The following MICALL2 variants were observed in gnomAD, a reference collection of about 807,000 sequenced individuals.
The protein encoded by MICALL2 is MICAL-like protein 2.
MICALL2 carries 111 observed loss-of-function variants against 91.1 expected under a neutral mutation model. The observed-to-expected ratio is 1.22, with a 90% confidence interval of 1.04 to 1.43. The LOEUF is 1.43. Ranked by LOEUF, MICALL2 falls within the 40% of genes most tolerant of loss-of-function variation. The pLI is 0.00. For synonymous variants in MICALL2, 694 were observed against 525.3 expected (o/e 1.32, Z -4.39); for missense variants, 1,556 against 1,236.0 (o/e 1.26, Z -3.88).
At chr7:1,439,838 G>T in intron 9 of MICALL2, 87 bp downstream of exon 9, 1 of 1,168,416 alleles carries the variant, frequency 8.6e-7, no homozygotes, top group Non-Finnish European at 1.1e-6. Context: ...CCAGGAGGTG[G>T]CACTACAGGT....
rs1481768882 is a variant in MICALL2, at chr7:1,448,704, T to C, written c.250A>G (p.Met84Val). The change falls in exon 3 of 17, where the codon ATG becomes GTG. Residue 84 changes from methionine (M) to valine (V), a missense_variant. Transcript: ENST00000297508. ...GIPALLDAED[M>V]VALKVPDRLS... ...CGGTCAGGCACCTTCAAGGCCACCA[T>C]GTCCTCGGCATCCAGCAAGGCTGGG... 2 of 1,612,604 alleles carry C rather than the reference T, an allele frequency of 1.2e-6. No individual in the cohort carries two copies. Among genetic ancestry groups the C allele is most frequent in the African/African-American group, 2.7e-5 (2 of 74,916 alleles).
At chr7:1,454,536 G>A (rs1780945849) in intron 1 of MICALL2, among the ~76,000 whole-genome samples, 1 of 152,342 alleles carries the variant, frequency 6.6e-6, no homozygotes, top group East Asian at 1.9e-4. Flanking sequence ...TGGAAGGAAA[G>A]TGTGGGGCCC....
chr7:1,444,500 T>C lies in MICALL2; in HGVS notation c.1418+152A>G, dbSNP rs1780466683. ...CTGCCACCCTGGCTCCTCCTCCCCATTCCCCAGAGAAGGAAACAGGCTGGG... is the reference window on the plus strand; with the variant it reads ...CTGCCACCCTGGCTCCTCCTCCCCACTCCCCAGAGAAGGAAACAGGCTGGG... On this transcript the variant is annotated intron_variant, in intron 6 of 16. Coordinates refer to ENST00000297508, the MANE Select transcript of MICALL2 (RefSeq NM_182924.4). The C allele has an allele frequency of 5.1e-6, 4 of 790,080 alleles. No individual in the cohort carries two copies. In the East Asian group the frequency reaches 1.1e-4, roughly 22 times the overall value. The allele number at this position is 790,080 out of a possible 1,614,324, so 48.9% of individuals were successfully genotyped here.
At chr7:1,442,718 A>G (rs991872046) in intron 6 of MICALL2, among the ~76,000 whole-genome samples, 4 of 151,730 alleles carry the variant, frequency 2.6e-5, no homozygotes. Flanking sequence ...CTCGCTCCCA[A>G]TGACCACCCT....
chr7:1,443,572 C>T (rs886898829), intron 6 of MICALL2, among the ~76,000 whole-genome samples: 1 of 152,212 alleles, frequency 6.6e-6, no homozygotes, highest in Non-Finnish European at 1.5e-5. Flanking sequence ...TTAAGATGCA[C>T]TCACGCTGGG....
rs747491199 is a variant in MICALL2, at chr7:1,450,192, C to T, written c.192+48G>A. 63 of 1,542,148 alleles carry T rather than the reference C, an allele frequency of 4.1e-5. No individual in the cohort carries two copies. In the East Asian group the frequency reaches 1.4e-3, roughly 34 times the overall value. ...CGGTCCCTCGGACGTGGGTGGGGCT[C>T]AGCAGGCTGGCTAAGCCAGCTGTGA... On this transcript the variant is annotated intron_variant, in intron 2 of 16. Transcript: ENST00000297508.
chr7:1,437,774 C>A, intron 13 of MICALL2, 116 bp downstream of exon 13: 2 of 1,252,852 alleles, frequency 1.6e-6, no homozygotes, highest in Admixed American at 4.0e-5. Flanking sequence ...AGGTCCTGGA[C>A]CTGCCGCACA....
At chr7:1,447,061 G>C (rs73670490) in intron 4 of MICALL2, among the ~76,000 whole-genome samples, 1 of 152,278 alleles carries the variant, frequency 6.6e-6, no homozygotes, top group African/African-American at 2.4e-5. Flanking sequence ...TCCTTCGGTG[G>C]CTGGGGGCCA....
intron 4 of MICALL2, among the ~76,000 whole-genome samples, 171 bp downstream of exon 4, chr7:1,447,404 C>A (rs1038890422): frequency 1.3e-5 from 2 of 152,172 alleles, no homozygotes; most frequent in Admixed American, 1.3e-4. Context: ...TTGATGGAGC[C>A]CTGGAGAGCC....
rs1040674708 is a variant in MICALL2 at position 1,438,093 on chromosome 7, T to C, written c.2311+4A>G. On this transcript the variant is annotated splice_donor_region_variant and intron_variant, in intron 12 of 16. Transcript: ENST00000297508. The stretch of plus-strand genomic sequence containing the variant: ...CTGGCCCAGGGCCAGGCCGAGGCGC[T>C]CACCTCCCTCGGCCGCCCGCAGTCG... The C allele has an allele frequency of 3.2e-6, 5 of 1,570,084 alleles. No homozygotes were observed. The Admixed American group carries it at 9.4e-5, about 29-fold the overall frequency.
chr7:1,444,610 A>T (rs777421293), intron 6 of MICALL2, 42 bp downstream of exon 6: 1 of 1,576,938 alleles, frequency 6.3e-7, no homozygotes, highest in African/African-American at 1.3e-5. Context: ...TGGCTGGTGC[A>T]AAGAGGCCAT....
At chr7:1,444,389 GCGC>G (rs1780459327) in intron 6 of MICALL2, among the ~76,000 whole-genome samples, 1 of 152,234 alleles carries the variant, frequency 6.6e-6, no homozygotes, top group Non-Finnish European at 1.5e-5. Context: ...CGGAGCGGCA[GCGC>G]CACCGCACCC....
chr7:1,447,580 T>TGG lies in MICALL2; in HGVS notation c.518_519dup (p.Lys174ProfsTer80), dbSNP rs748646550. On this transcript the variant is annotated frameshift_variant, in exon 4 of 17. Coordinates refer to ENST00000297508, the MANE Select transcript of MICALL2 (RefSeq NM_182924.4). LOFTEE classifies it high-confidence loss of function. ...AGGGTGGGGTGGGAGCTTACAGTCT[T>TGG]GGGGGGCGGGCCCCCTGCACCCTCA... 4.5e-6 allele frequency: 7 copies of TGG among 1,557,316 alleles called. No homozygotes were observed. Among genetic ancestry groups the TGG allele is most frequent in the Non-Finnish European group, 6.1e-6 (7 of 1,150,212 alleles).
Position 1,440,103 on chromosome 7 carries a change from G to T in MICALL2, c.1806-18C>A. 1.3e-6 allele frequency: 2 copies of T among 1,577,640 alleles called. No homozygotes were observed. Among genetic ancestry groups the T allele is most frequent in the South Asian group, 1.2e-5 (1 of 85,020 alleles). On this transcript the variant is annotated intron_variant, in intron 8 of 16. Transcript: ENST00000297508. ...TCAGAGTCCTGGGCAGAAGGCATGAGGTCGGAACCCGAACCACCAGCCCCA... is the reference window on the plus strand; with the variant it reads ...TCAGAGTCCTGGGCAGAAGGCATGATGTCGGAACCCGAACCACCAGCCCCA...
intron 15 of MICALL2, among the ~76,000 whole-genome samples, 191 bp from the exon 16 acceptor site, chr7:1,435,338 A>C (rs1194758618): frequency 6.6e-6 from 1 of 152,214 alleles, no homozygotes; most frequent in African/African-American, 2.4e-5. Flanking sequence ...GCCCTCTTCC[A>C]GAGCCAGCCC....
rs1584198876 is a variant in MICALL2, at chr7:1,438,349, T to G, written c.2127A>C (p.Arg709Ser). The G allele has an allele frequency of 1.2e-6, 2 of 1,601,302 alleles. No individual in the cohort carries two copies. The highest frequency in any genetic ancestry group is 2.2e-5 in the South Asian group (2 of 89,216). ...KKPHLQGKPG[R>S]PLSPANVPAL... ...CAGGGACATTGGCCGGGGACAAGGG[T>G]CTCCCTGGAGAAGGAGCAGGGTGAG... Residue 709 changes from arginine (R) to serine (S), a missense_variant, in exon 11 of 17, where the codon AGA becomes AGC. Transcript: ENST00000297508.
In MICALL2 at chr7:1,434,573, C is replaced by G; in HGVS notation, c.*23G>C. ...CCAAGTCCGGATGCCAGGTCCGGGC[C>G]GAGCCCACGGCCCTACTGGCTACTA... On this transcript the variant is annotated 3_prime_UTR_variant, in exon 17 of 17. Transcript: ENST00000297508. 1 of 1,598,826 alleles carries G rather than the reference C, an allele frequency of 6.3e-7. No individual in the cohort carries two copies. Among genetic ancestry groups the G allele is most frequent in the Non-Finnish European group, 8.6e-7 (1 of 1,166,470 alleles).
chr7:1,438,381 G>A (rs755997567), intron 10 of MICALL2, 28 bp from the exon 11 acceptor site: 9 of 1,584,516 alleles, frequency 5.7e-6, no homozygotes, highest in Middle Eastern at 2.2e-4. Flanking sequence ...TGAGCCTCTG[G>A]GACCTGGGCC....
chr7:1,437,712 CTG>C, intron 13 of MICALL2, 104 bp from the exon 14 acceptor site: 3 of 1,339,276 alleles, frequency 2.2e-6, no homozygotes, highest in Non-Finnish European at 3.1e-6. Flanking sequence ...AGACACGAGT[CTG>C]AGGCCTGACT....
Sources: gnomAD v4.1 joint callset for allele counts (sites outside exome capture counted in the v4.1 genomes callset) on GRCh38, gnomAD v4.1.1 for gene constraint, MANE v1.5 for transcripts, NCBI Gene and HGNC (gene_info 2026-07-23, HGNC 2026-07-21) for gene names.